ADPRHL1: variants seen among roughly 807,000 people sequenced by gnomAD.
The protein encoded by ADPRHL1 is inactive ADP-ribosyltransferase ARH2.
A neutral mutation model predicts 44.1 loss-of-function variants in ADPRHL1; 43 were observed. The ratio of observed to expected loss-of-function variants is 0.98; its 90% CI spans 0.76 to 1.26. The LOEUF is 1.26. ADPRHL1 is among the 50% of genes most tolerant of loss of function. The probability of loss-of-function intolerance (pLI) is 0.00; values close to 1 mark genes in which losing one functional copy is unlikely to be tolerated. For missense variants in ADPRHL1, 2,022 were observed against 2,496.9 expected, an observed-to-expected ratio of 0.81 and a Z score of 4.05; for synonymous variants, 878 against 1,017.4, an observed-to-expected ratio of 0.86 and a Z score of 2.61.
At position 113,409,947 on chromosome 13, in the gene ADPRHL1, A is replaced by ATGT; in HGVS notation, c.1062-1730_1062-1728dup. 1 of 984,762 alleles carries ATGT rather than the reference A, an allele frequency of 1.0e-6. No homozygotes were observed. Among genetic ancestry groups the ATGT allele is most frequent in the Non-Finnish European group, 1.2e-6 (1 of 829,804 alleles). The allele number at this position is 984,762 out of a possible 1,614,324, so 61.0% of individuals were successfully genotyped here. A position where few individuals can be genotyped will look rare whatever the true frequency, so the allele number is the denominator to read the frequency against. On this transcript the variant is annotated intron_variant, in intron 7 of 7. Coordinates refer to ENST00000612156, the MANE Select transcript of ADPRHL1 (RefSeq NM_001394807.1). This position sits in a 1 kb window ranked among gnomAD's most constrained non-coding sequence, Gnocchi z 4.2. The stretch of plus-strand genomic sequence containing the variant: ...CAGGCTGAAAAGAGACCGGAAGGAA[A>ATGT]TGTGTGAACATACTTCTCTTTTTGT...
chr13:113,416,217 T>C (rs1595540755), intron 7 of ADPRHL1, among the ~76,000 whole-genome samples: 1 of 152,120 alleles, frequency 6.6e-6, no homozygotes, highest in African/African-American at 2.4e-5. Flanking sequence ...CTGGAGAACC[T>C]GAGTATCTGT....
At chr13:113,411,158 C>T (rs1423394903) in intron 7 of ADPRHL1, among the ~76,000 whole-genome samples, 2 of 152,196 alleles carry the variant, frequency 1.3e-5, no homozygotes, top group Non-Finnish European at 2.9e-5. Flanking sequence ...TGAGCCCCAC[C>T]GTCCAAATAG....
chr13:113,407,034 T>A lies in ADPRHL1; in HGVS notation c.2248A>T (p.Ser750Cys). 1 of 1,232,200 alleles carries A rather than the reference T, an allele frequency of 8.1e-7. No individual in the cohort carries two copies. Among genetic ancestry groups the A allele is most frequent in the Non-Finnish European group, 1.0e-6 (1 of 988,058 alleles). The allele number at this position is 1,232,200 out of a possible 1,614,324, so 76.3% of individuals were successfully genotyped here. The change falls in exon 8 of 8, where the codon AGC becomes TGC. Residue 750 changes from serine (S) to cysteine (C), a missense_variant. Around this residue, in one of 8 missense-constraint regions of ADPRHL1, gnomAD observed 1,221 missense variants for 1,517.8 expected, o/e 0.80. Coordinates refer to ENST00000612156, the MANE Select transcript of ADPRHL1 (RefSeq NM_001394807.1). ...ACCTCCTGGACGCCTCCTGCGGTGC[T>A]CTCTGCGGTGGGGTCTGCAGTCCCA... ...GDGTADPTAESTAGGVQEVRG... is the reference protein window; with the variant it reads ...GDGTADPTAECTAGGVQEVRG...
intron 2 of ADPRHL1, among the ~76,000 whole-genome samples, chr13:113,439,605 G>T (rs1264353365): frequency 6.6e-6 from 1 of 151,832 alleles, no homozygotes; most frequent in Non-Finnish European, 1.5e-5. Context: ...CCACCACCAT[G>T]TCTGGCTAAT....
intron 7 of ADPRHL1, among the ~76,000 whole-genome samples, chr13:113,408,788 A>C (rs1304937813): frequency 7.0e-6 from 1 of 143,416 alleles, no homozygotes; most frequent in Non-Finnish European, 1.5e-5. Flanking sequence ...GAGTTTCCTC[A>C]CAAGCTCCTG....
rs1238009837 is a variant in ADPRHL1 at position 113,446,135 on chromosome 13, C to T, written c.215-1546G>A. On this transcript the variant is annotated intron_variant, in intron 1 of 7. Coordinates refer to ENST00000612156, the MANE Select transcript of ADPRHL1 (RefSeq NM_001394807.1). The stretch of plus-strand genomic sequence containing the variant: ...CCCACAGCTGCAGGCCCCCCCTCCC[C>T]CCTCCCCCCCAGAGAGCACGCAGGG... Among the ~76,000 whole-genome samples, 7 of 141,554 alleles carry T rather than the reference C, an allele frequency of 4.9e-5. No homozygotes were observed. The East Asian group carries it at 1.1e-3, about 22-fold the overall frequency. The allele number at this position is 141,554 out of a possible 152,430, so 92.9% of individuals were successfully genotyped here.
intron 2 of ADPRHL1, among the ~76,000 whole-genome samples, chr13:113,436,885 A>G (rs375377834): frequency 3.7e-4 from 48 of 129,002 alleles, no homozygotes; most frequent in African/African-American, 7.1e-4. Context: ...TAGAGTGAAC[A>G]TAGGTGTACC....
rs753326392 is a variant in ADPRHL1, at chr13:113,405,623, C to T, written c.3659G>A (p.Arg1220Gln). ...GTATAATCGGGCCGCCTCTGGGTGC[C>T]GGGCGAGGGCCGCAGCATCCTCCGG... ...RHPEDAAALA[R>Q]HPEAARLYIS... Residue 1220 changes from arginine (R) to glutamine (Q), a missense_variant, in exon 8 of 8, where the codon CGG (arginine) becomes CAG (glutamine). Physicochemically the swap from Arg to Gln is conservative, Grantham distance 43 (BLOSUM62 1). Coordinates refer to ENST00000612156, the MANE Select transcript of ADPRHL1 (RefSeq NM_001394807.1). 462 of 1,232,642 alleles carry T rather than the reference C, an allele frequency of 3.7e-4. No homozygotes were observed. The highest frequency in any genetic ancestry group is 4.4e-4 in the Non-Finnish European group (435 of 988,750). 76.4% of individuals were successfully genotyped at this position (1,232,642 alleles called of 1,614,324 possible). A position where few individuals can be genotyped will look rare whatever the true frequency, so the allele number is the denominator to read the frequency against.
At chr13:113,429,726 C>G (rs1049571034) in intron 3 of ADPRHL1, among the ~76,000 whole-genome samples, 1 of 152,170 alleles carries the variant, frequency 6.6e-6, no homozygotes, top group Non-Finnish European at 1.5e-5. Flanking sequence ...GCTCTGGGTC[C>G]GTTGTGCACA....
chr13:113,438,703 T>C (rs557870669), intron 2 of ADPRHL1, among the ~76,000 whole-genome samples: 52 of 152,252 alleles, frequency 3.4e-4, no homozygotes, highest in Non-Finnish European at 6.9e-4. Context: ...TTCTTTTTTA[T>C]AATAGAGATG....
intron 7 of ADPRHL1, 60 bp downstream of exon 7, chr13:113,422,766 C>T (rs1427534240): frequency 1.2e-6 from 2 of 1,601,968 alleles, no homozygotes; most frequent in African/African-American, 1.3e-5. Context: ...TGCGAGAGGG[C>T]CCTACGGGCC....
intron 4 of ADPRHL1, among the ~76,000 whole-genome samples, chr13:113,427,939 G>C (rs1257912118): frequency 6.6e-6 from 1 of 152,198 alleles, no homozygotes; most frequent in Non-Finnish European, 1.5e-5. Flanking sequence ...GCCTTGCAGG[G>C]GAAATAAAGC....
intron 7 of ADPRHL1, among the ~76,000 whole-genome samples, chr13:113,408,875 GGGGCTGCAGAGAGGAGGGAAAGAT>G (rs1484802382): frequency 6.6e-6 from 1 of 151,528 alleles, no homozygotes; most frequent in Non-Finnish European, 1.5e-5. Flanking sequence ...AAGGGAGGAG[GGGGCTGCAGAGAGGAGGGAAAGAT>G]GGGGCTACTG....
intron 7 of ADPRHL1, among the ~76,000 whole-genome samples, chr13:113,412,674 G>A (rs1055980853): frequency 1.3e-5 from 2 of 151,970 alleles, no homozygotes; most frequent in African/African-American, 2.4e-5. Context: ...AACAGCCCCC[G>A]TGGAGGCTCG....
At position 113,407,441 on chromosome 13, in the gene ADPRHL1, G is replaced by A. The variant is rs902022051; in HGVS notation, c.1841C>T (p.Thr614Met). ...GCTGAGGGCCGGCAGGGGCTCAGCC[G>A]TGCAGGCCAGAAAGCGGGCAGGGGG... ...KMPPARFLAC[T>M]AEPLPALSIA... Residue 614 changes from threonine to methionine, a missense_variant, in exon 8 of 8, where the codon ACG becomes ATG. This residue lies in a region of ADPRHL1 where 1,221 missense variants were observed against 1,517.8 expected (regional missense o/e 0.80). Transcript: ENST00000612156. The A allele has an allele frequency of 4.1e-6, 5 of 1,231,870 alleles. No homozygotes were observed. The highest frequency in any genetic ancestry group is 8.2e-5 in the South Asian group (2 of 24,322). The allele number at this position is 1,231,870 out of a possible 1,614,324, so 76.3% of individuals were successfully genotyped here. A position where few individuals can be genotyped will look rare whatever the true frequency, so the allele number is the denominator to read the frequency against.
rs1327205780 is a variant in ADPRHL1 at position 113,424,670 on chromosome 13, C to T, written c.775-321G>A. Among the ~76,000 whole-genome samples, 8 of 4,116 alleles carry T rather than the reference C, an allele frequency of 1.9e-3. No homozygotes were observed. The East Asian group carries it at 0.03, about 15-fold the overall frequency. 2.7% of individuals were successfully genotyped at this position (4,116 alleles called of 152,430 possible). A position where few individuals can be genotyped will look rare whatever the true frequency, so the allele number is the denominator to read the frequency against. On this transcript the variant is annotated intron_variant, in intron 5 of 7. Coordinates refer to ENST00000612156, the MANE Select transcript of ADPRHL1 (RefSeq NM_001394807.1). The stretch of plus-strand genomic sequence containing the variant: ...GGGGTTAGCCACCCACCCATCCATT[C>T]ACCATCCATTCATCTATCCACCCAT...
intron 4 of ADPRHL1, 121 bp downstream of exon 4, chr13:113,428,831 A>T: frequency 6.8e-7 from 1 of 1,465,756 alleles, no homozygotes; most frequent in South Asian, 1.3e-5. Flanking sequence ...CATGGCCCGG[A>T]CAGGGCCCTC....
intron 1 of ADPRHL1, among the ~76,000 whole-genome samples, chr13:113,450,579 G>A (rs984965544): frequency 2.0e-5 from 3 of 152,246 alleles, no homozygotes; most frequent in African/African-American, 4.8e-5. Flanking sequence ...TAAAGAATGC[G>A]AGTCACCTCC....
chr13:113,419,409 G>A (rs960670268), intron 7 of ADPRHL1, among the ~76,000 whole-genome samples: 3 of 150,940 alleles, frequency 2.0e-5, no homozygotes, highest in African/African-American at 7.3e-5. Flanking sequence ...GAGCCACCTG[G>A]CCACACCTTA....
Sources: gnomAD v4.1 joint callset for allele counts (sites outside exome capture counted in the v4.1 genomes callset) on GRCh38, gnomAD v4.1.1 for gene constraint, gnomAD v4.1.1 regional missense constraint, Gnocchi (gnomAD v3.1) non-coding constraint, MANE v1.5 for transcripts, NCBI Gene and HGNC (gene_info 2026-07-23, HGNC 2026-07-21) for gene names.